Variants in TG observed in about 807,000 individuals in gnomAD.
The protein encoded by TG is thyroid hormones.
In TG, 270 loss-of-function variants were observed where a neutral mutation model predicts 324.7. That is an observed-to-expected ratio of 0.83 (90% CI 0.75 to 0.92). The LOEUF (loss-of-function observed/expected upper bound fraction) is 0.92. Among genes scored for constraint, TG ranks in the 40% least tolerant of loss-of-function variants. The probability of loss-of-function intolerance (pLI) is 0.00; values close to 1 mark genes in which losing one functional copy is unlikely to be tolerated. For synonymous variants in TG, 1,401 were observed against 1,327.0 expected (o/e 1.06, Z -1.21); for missense variants, 3,591 against 3,456.4 (o/e 1.04, Z -0.98).
At chr8:133,044,135 C>G (rs1838846477) in intron 41 of TG, among the ~76,000 whole-genome samples, 1 of 152,196 alleles carries the variant, frequency 6.6e-6, no homozygotes, top group African/African-American at 2.4e-5. Flanking sequence ...GTGAGTGGAT[C>G]TGGGATAGAA....
intron 41 of TG, among the ~76,000 whole-genome samples, chr8:133,072,235 GC>G (rs1450696316): frequency 6.6e-6 from 1 of 152,188 alleles, no homozygotes; most frequent in African/African-American, 2.4e-5. Flanking sequence ...GAACCACTGA[GC>G]CCCCAACCCC....
At chr8:132,912,051 A>G (rs190748935) in intron 19 of TG, among the ~76,000 whole-genome samples, 19 of 152,318 alleles carry the variant, frequency 1.2e-4, no homozygotes, top group Admixed American at 1.2e-3. Context: ...ATTTCTGACC[A>G]GAGAATGGGA....
At chr8:133,108,057 C>T (rs1454417496) in intron 43 of TG, among the ~76,000 whole-genome samples, 3 of 148,252 alleles carry the variant, frequency 2.0e-5, no homozygotes, top group Non-Finnish European at 4.4e-5. Flanking sequence ...TCGTGGCTCA[C>T]TGCAAGCTCT....
chr8:133,043,751 TTC>T (rs2131129043), intron 41 of TG, among the ~76,000 whole-genome samples: 1 of 152,328 alleles, frequency 6.6e-6, no homozygotes, highest in South Asian at 2.1e-4. Flanking sequence ...GTGGACCCAT[TTC>T]TCCTTGAAAT....
At chr8:133,085,799 A>G (rs1421585790) in intron 41 of TG, among the ~76,000 whole-genome samples, 1 of 152,204 alleles carries the variant, frequency 6.6e-6, no homozygotes, top group Non-Finnish European at 1.5e-5. Flanking sequence ...CCACTTTGAC[A>G]AACAGTTTGG....
At chr8:132,964,555 C>G (rs1828260456) in intron 29 of TG, 2 of 251,138 alleles carry the variant, frequency 8.0e-6, no homozygotes, top group Admixed American at 5.3e-5. Context: ...TTACTCCCAT[C>G]AGTCTGAATG....
intron 41 of TG, chr8:133,074,947 C>G: frequency 1.0e-6 from 1 of 985,496 alleles, no homozygotes; most frequent in Non-Finnish European, 1.2e-6. Flanking sequence ...TGCTGCTGCT[C>G]CAGAATAAAC....
At chr8:133,090,662 ACAT>A (rs1441910204) in intron 41 of TG, among the ~76,000 whole-genome samples, 7 of 152,250 alleles carry the variant, frequency 4.6e-5, no homozygotes, top group African/African-American at 1.4e-4. Context: ...TGCAAATTAC[ACAT>A]CAGGTATTTT....
chr8:133,074,553 C>A (rs1188714794), intron 41 of TG, among the ~76,000 whole-genome samples: 1 of 152,170 alleles, frequency 6.6e-6, no homozygotes, highest in African/African-American at 2.4e-5. Context: ...TGGCAAATCC[C>A]AATTATCCTT....
chr8:133,012,790 C>A (rs1487092248), intron 36 of TG, among the ~76,000 whole-genome samples: 1 of 152,202 alleles, frequency 6.6e-6, no homozygotes, highest in Non-Finnish European at 1.5e-5. Context: ...CTGGGTGGTA[C>A]CATTCACAGA....
At chr8:133,081,631 G>A (rs1217869859) in intron 41 of TG, among the ~76,000 whole-genome samples, 2 of 152,182 alleles carry the variant, frequency 1.3e-5, no homozygotes, top group African/African-American at 4.8e-5. Context: ...ACTGTCTGCT[G>A]CGAAGAGCTG....
chr8:132,902,670 TAGGG>T (rs1226300204), intron 16 of TG, among the ~76,000 whole-genome samples: 2 of 152,128 alleles, frequency 1.3e-5, no homozygotes, highest in African/African-American at 4.8e-5. Flanking sequence ...GCTTCTGAAA[TAGGG>T]AGAGAAGTGA....
intron 41 of TG, chr8:133,037,670 A>G (rs1303486901): frequency 6.8e-6 from 1 of 147,996 alleles, no homozygotes; most frequent in East Asian, 2.0e-4. Context: ...CTGACACCTT[A>G]CAGAGGACTT....
chr8:133,128,025 G>A (rs1588148205), intron 45 of TG, among the ~76,000 whole-genome samples: 3 of 152,002 alleles, frequency 2.0e-5, no homozygotes, highest in Admixed American at 2.0e-4. Context: ...GGAATAAATG[G>A]TATTTCATTT....
At chr8:132,870,786 A>T (rs1343207056) in intron 3 of TG, among the ~76,000 whole-genome samples, 3 of 152,036 alleles carry the variant, frequency 2.0e-5, no homozygotes, top group Non-Finnish European at 4.4e-5. Flanking sequence ...GAGAGATAGA[A>T]GGTGGAGGTG....
rs770932153 is a variant in TG, at chr8:132,886,815, C to A, written c.1443C>A (p.Gly481=). 6.2e-7 allele frequency: 1 copy of A among 1,614,084 alleles called. No homozygotes were observed. The highest frequency in any genetic ancestry group is 1.3e-5 in the African/African-American group (1 of 74,928). Residue 481 remains glycine, a synonymous_variant, in exon 9 of 48, where the codon GGC becomes GGA. Coordinates refer to ENST00000220616, the MANE Select transcript of TG (RefSeq NM_003235.5). ...LFGGKFLVNV[G]QFNLSGALGT... ...GAGGGAAATTTTTGGTGAATGTTGG[C>A]CAGTTTAACTTGTCTGGAGCCCTTG...
chr8:133,077,060 G>A (rs981986651), intron 41 of TG, among the ~76,000 whole-genome samples: 6 of 152,194 alleles, frequency 3.9e-5, no homozygotes, highest in African/African-American at 1.4e-4. Flanking sequence ...CTTTGCACAG[G>A]TGGCCAGTCG....
intron 43 of TG, 80 bp downstream of exon 43, chr8:133,096,453 G>GTC: frequency 6.4e-7 from 1 of 1,556,516 alleles, no homozygotes; most frequent in Non-Finnish European, 8.8e-7. Context: ...ACTTGATCAA[G>GTC]AGATATTGAC....
intron 36 of TG, among the ~76,000 whole-genome samples, chr8:133,013,268 C>G (rs1834679896): frequency 6.6e-6 from 1 of 152,156 alleles, no homozygotes; most frequent in African/African-American, 2.4e-5. Context: ...GATTGCATGA[C>G]TGATGGATGG....
Sources: allele counts gnomAD v4.1 joint callset (sites outside exome capture counted in the v4.1 genomes callset), GRCh38; gene constraint gnomAD v4.1.1; transcripts MANE v1.5; gene names NCBI Gene and HGNC (gene_info 2026-07-23, HGNC 2026-07-21).